The following SIRT5 variants were observed in gnomAD, a reference collection of about 807,000 sequenced individuals.
SIRT5 encodes NAD-dependent protein deacylase sirtuin-5, mitochondrial.
Under a neutral mutation model 40.0 loss-of-function variants are expected in SIRT5, and 26 were observed. The ratio of observed to expected loss-of-function variants is 0.65; its 90% confidence interval spans 0.48 to 0.90. SIRT5 has a LOEUF of 0.90. Ranked by LOEUF, SIRT5 falls within the 40% of genes least tolerant of loss-of-function variation. The pLI is 0.00. For synonymous variants in SIRT5, 146 were observed against 149.1 expected, an observed-to-expected ratio of 0.98 and a Z score of 0.15; for missense variants, 401 against 402.4, an observed-to-expected ratio of 1.00 and a Z score of 0.03.
At chr6:13,605,134 G>A (rs1009754446) in intron 9 of SIRT5, 4 of 985,360 alleles carry the variant, frequency 4.1e-6, no homozygotes, top group Middle Eastern at 5.2e-4. Context: ...TGTATATCTC[G>A]TGCTTAACAG....
intron 8 of SIRT5, among the ~76,000 whole-genome samples, chr6:13,599,709 A>G (rs1215103505): frequency 6.6e-6 from 1 of 152,204 alleles, no homozygotes; most frequent in Non-Finnish European, 1.5e-5. Flanking sequence ...GTCTATGACT[A>G]CTTTCAAACT....
intron 9 of SIRT5, among the ~76,000 whole-genome samples, chr6:13,603,513 T>C (rs1762692577): frequency 6.6e-6 from 1 of 152,104 alleles, no homozygotes; most frequent in Non-Finnish European, 1.5e-5. Flanking sequence ...AAAACCACAG[T>C]GAGATACCAC....
chr6:13,590,606 T>C (rs1760738418), intron 4 of SIRT5, among the ~76,000 whole-genome samples: 2 of 152,084 alleles, frequency 1.3e-5, no homozygotes, highest in Non-Finnish European at 2.9e-5. Context: ...GTTATGTGTA[T>C]GTTGTGTGTA....
intron 9 of SIRT5, among the ~76,000 whole-genome samples, chr6:13,604,050 T>C (rs1187232593): frequency 6.6e-6 from 1 of 152,106 alleles, no homozygotes; most frequent in East Asian, 1.9e-4. Context: ...TAGGGAGGAA[T>C]TGGGAGTGGG....
chr6:13,590,954 AGTTT>A (rs1207356767), intron 4 of SIRT5, among the ~76,000 whole-genome samples: 2 of 144,248 alleles, frequency 1.4e-5, no homozygotes, highest in East Asian at 2.1e-4. Context: ...GTGTGTGTTT[AGTTT>A]GTGTGTGTAG....
rs575181094 is a variant in SIRT5, at chr6:13,591,535, T to C, written c.250-134T>C. 5.8e-6 allele frequency: 4 copies of C among 693,990 alleles called. No individual in the cohort carries two copies. In the South Asian group the frequency reaches 8.7e-5, roughly 15 times the overall value. 43.0% of individuals were successfully genotyped at this position (693,990 alleles called of 1,614,324 possible). On this transcript the variant is annotated intron_variant, in intron 4 of 9. Transcript: ENST00000606117. ...TGGCATCTGCCATGTTGTTTGAACATAGTGCTGCCATCTCCAGCCTGCACC... is the reference window on the plus strand; with the variant it reads ...TGGCATCTGCCATGTTGTTTGAACACAGTGCTGCCATCTCCAGCCTGCACC...
At chr6:13,582,098 G>A (rs1759420850) in intron 2 of SIRT5, among the ~76,000 whole-genome samples, 1 of 152,098 alleles carries the variant, frequency 6.6e-6, no homozygotes, top group Admixed American at 6.5e-5. Flanking sequence ...GTTCTTCATG[G>A]CGTGTTCTAT....
At chr6:13,609,971 A>T (rs1452462504) in intron 9 of SIRT5, among the ~76,000 whole-genome samples, 2 of 151,270 alleles carry the variant, frequency 1.3e-5, no homozygotes, top group East Asian at 1.9e-4. Flanking sequence ...TGAGGGAATT[A>T]TTTTTTTTTA....
chr6:13,580,382 G>GA (rs968532013), intron 2 of SIRT5, among the ~76,000 whole-genome samples: 4 of 152,018 alleles, frequency 2.6e-5, no homozygotes, highest in Admixed American at 2.0e-4. Context: ...TATGAGTGTT[G>GA]AAAAAAATCA....
chr6:13,589,807 G>A (rs1188112303), intron 4 of SIRT5, among the ~76,000 whole-genome samples: 1 of 152,242 alleles, frequency 6.6e-6, no homozygotes, highest in Non-Finnish European at 1.5e-5. Context: ...GTCAGAGGGT[G>A]CGGGAGGAGC....
intron 9 of SIRT5, among the ~76,000 whole-genome samples, chr6:13,610,458 T>C (rs1763685743): frequency 6.6e-6 from 1 of 152,250 alleles, no homozygotes; most frequent in Non-Finnish European, 1.5e-5. Flanking sequence ...AGGTGTCAGA[T>C]CTACACCAGT....
At chr6:13,591,919 C>T (rs1375564486) in intron 5 of SIRT5, 25 bp downstream of exon 5, 1 of 1,600,960 alleles carries the variant, frequency 6.2e-7, no homozygotes, top group East Asian at 2.2e-5. Flanking sequence ...GCCTCCCATT[C>T]AGGGAACCAG....
In SIRT5 at chr6:13,615,013, G is replaced by A. The variant is rs970368749; in HGVS notation, c.*3148G>A. The A allele has an allele frequency of 3.7e-6, 1 of 269,280 alleles. No homozygotes were observed. Among genetic ancestry groups the A allele is most frequent in the Non-Finnish European group, 7.0e-6 (1 of 142,730 alleles). 16.7% of individuals were successfully genotyped at this position (269,280 alleles called of 1,614,324 possible). Reference sequence around the variant, plus strand: ...GCAGCGCCTCGGGCCCGCGATTACCGGTTTTCTGAGCACCGGACAGCGTGA... The same window carrying A: ...GCAGCGCCTCGGGCCCGCGATTACCAGTTTTCTGAGCACCGGACAGCGTGA... On this transcript the variant is annotated 3_prime_UTR_variant, in exon 10 of 10. Coordinates refer to ENST00000606117, the MANE Select transcript of SIRT5 (RefSeq NM_012241.5).
At chr6:13,609,011 AG>A (rs1408066765) in intron 9 of SIRT5, among the ~76,000 whole-genome samples, 1 of 152,106 alleles carries the variant, frequency 6.6e-6, no homozygotes, top group African/African-American at 2.4e-5. Context: ...TAGTAGAGAC[AG>A]GGTTTCACCA....
intron 5 of SIRT5, among the ~76,000 whole-genome samples, chr6:13,594,374 A>AGT (rs2127669112): frequency 6.6e-6 from 1 of 152,328 alleles, no homozygotes; most frequent in South Asian, 2.1e-4. Context: ...TGAGGAGCCT[A>AGT]GTGGTGCAGC....
intron 5 of SIRT5, among the ~76,000 whole-genome samples, chr6:13,593,346 G>A (rs953794684): frequency 1.3e-5 from 2 of 152,046 alleles, no homozygotes; most frequent in African/African-American, 4.8e-5. Context: ...TACTCATTTC[G>A]ACTGTGTCTG....
intron 8 of SIRT5, among the ~76,000 whole-genome samples, chr6:13,599,791 T>C (rs888063634): frequency 1.1e-4 from 17 of 152,234 alleles, no homozygotes; most frequent in African/African-American, 4.1e-4. Flanking sequence ...TACTGTATGG[T>C]CATTTTCAGA....
intron 7 of SIRT5, 74 bp from the exon 8 acceptor site, chr6:13,598,958 G>T: frequency 2.6e-6 from 4 of 1,568,372 alleles, no homozygotes; most frequent in Admixed American, 3.5e-5. Flanking sequence ...TAGGTTTGGG[G>T]CAGCCCCTGG....
chr6:13,604,712 T>C, intron 9 of SIRT5: 1 of 1,370,024 alleles, frequency 7.3e-7, no homozygotes, highest in Non-Finnish European at 9.4e-7. Context: ...TGGTGGTTTT[T>C]CCTGCCAGTT....
Sources: gnomAD v4.1 joint callset for allele counts (sites outside exome capture counted in the v4.1 genomes callset) on GRCh38, gnomAD v4.1.1 for gene constraint, MANE v1.5 for transcripts, NCBI Gene and HGNC (gene_info 2026-07-23, HGNC 2026-07-21) for gene names.